RIMBP2: variants seen among roughly 807,000 people sequenced by gnomAD.
The protein encoded by RIMBP2 is RIMS-binding protein 2.
A neutral mutation model predicts 118.6 loss-of-function variants in RIMBP2; 48 were observed. The observed-to-expected ratio is 0.40, with a 90% CI of 0.32 to 0.51. The LOEUF (loss-of-function observed/expected upper bound fraction) is 0.51. Ranked by LOEUF, RIMBP2 falls within the 20% of genes least tolerant of loss-of-function variation. The pLI is 0.41. For synonymous variants in RIMBP2, 762 were observed against 742.9 expected (o/e 1.03, Z -0.42); for missense variants, 1,551 against 1,768.3 (o/e 0.88, Z 2.20).
chr12:130,456,738 AT>A, intron 6 of RIMBP2, 38 bp from the exon 7 acceptor site: 1 of 1,524,258 alleles, frequency 6.6e-7, no homozygotes. Flanking sequence ...CAGCGGTGGC[AT>A]TTGGTGGTGG....
chr12:130,500,545 T>G (rs961396804), intron 4 of RIMBP2, among the ~76,000 whole-genome samples: 1 of 152,310 alleles, frequency 6.6e-6, no homozygotes, highest in African/African-American at 2.4e-5. Context: ...GCAGGGCACG[T>G]TGTCTTTAGC....
rs117041382 is a variant in RIMBP2 at position 130,662,182 on chromosome 12, C to T, written c.-351-33726G>A. ...CAACAAATTCCCTAAATTTCACCCT[C>T]AATCCAGCCAGTAGCTGACCCGTCA... On this transcript the variant is annotated intron_variant, in intron 1 of 22. Coordinates refer to ENST00000690449, the MANE Select transcript of RIMBP2 (RefSeq NM_001393629.1). 4.1e-4 allele frequency among the ~76,000 whole-genome samples: 61 copies of T among 149,212 alleles called. 1 individual carries two copies. The East Asian group carries it at 8.1e-3, about 20-fold the overall frequency.
intron 2 of RIMBP2, among the ~76,000 whole-genome samples, chr12:130,596,435 C>T (rs1175251294): frequency 2.6e-5 from 4 of 152,040 alleles, no homozygotes; most frequent in Non-Finnish European, 5.9e-5. Context: ...TGCCCAAGGC[C>T]ACATAGCCCA....
At chr12:130,627,051 C>A (rs1352325264) in intron 2 of RIMBP2, among the ~76,000 whole-genome samples, 1 of 152,132 alleles carries the variant, frequency 6.6e-6, no homozygotes, top group Non-Finnish European at 1.5e-5. Flanking sequence ...CCAGCATCCC[C>A]ATCTCCTCGA....
intron 7 of RIMBP2, among the ~76,000 whole-genome samples, chr12:130,453,754 G>A (rs982899817): frequency 2.0e-5 from 3 of 152,208 alleles, no homozygotes; most frequent in Non-Finnish European, 4.4e-5. Context: ...CGTGAATGCA[G>A]CTGAAATGCT....
At chr12:130,445,320 GCACC>G in intron 9 of RIMBP2, 51 bp from the exon 10 acceptor site, 1 of 1,345,530 alleles carries the variant, frequency 7.4e-7, no homozygotes, top group African/African-American at 1.4e-5. Flanking sequence ...GACACAGCCC[GCACC>G]CCTGTCCGTG....
chr12:130,651,938 A>C (rs1594147013), intron 1 of RIMBP2, among the ~76,000 whole-genome samples: 1 of 152,252 alleles, frequency 6.6e-6, no homozygotes, highest in African/African-American at 2.4e-5. Flanking sequence ...AAGTTTTAAA[A>C]AGCACCAGGC....
chr12:130,430,125 C>T (rs144896478), intron 14 of RIMBP2: 1 of 152,288 alleles, frequency 6.6e-6, no homozygotes, highest in African/African-American at 2.4e-5. Flanking sequence ...AGTGAGATGT[C>T]TAGTGACTGG....
At position 130,576,135 on chromosome 12, in the gene RIMBP2, G is replaced by C. The variant is rs1038957041; in HGVS notation, c.-217+52187C>G. Among the ~76,000 whole-genome samples the C allele has an allele frequency of 6.6e-6, 1 of 152,118 alleles. No individual in the cohort carries two copies. Among genetic ancestry groups the C allele is most frequent in the African/African-American group, 2.4e-5 (1 of 41,430 alleles). The stretch of plus-strand genomic sequence containing the variant: ...GGCAAAGGGGCTGCGGACAGGTGAG[G>C]GGGAGGAGGGGGCTGCAGATCGTAC... On this transcript the variant is annotated intron_variant, in intron 2 of 22. Coordinates refer to ENST00000690449, the MANE Select transcript of RIMBP2 (RefSeq NM_001393629.1). The surrounding 1 kb of genome is among the most constrained non-coding windows in gnomAD (Gnocchi z 4.2).
At chr12:130,521,343 C>T (rs548123182) in intron 2 of RIMBP2, among the ~76,000 whole-genome samples, 4 of 152,152 alleles carry the variant, frequency 2.6e-5, no homozygotes, top group East Asian at 1.9e-4. Context: ...GGCCTGGAAT[C>T]GCAACACAAC....
intron 1 of RIMBP2, among the ~76,000 whole-genome samples, chr12:130,632,409 T>C (rs1456552385): frequency 6.6e-6 from 1 of 152,178 alleles, no homozygotes; most frequent in East Asian, 1.9e-4. Context: ...TTTCTAGTTC[T>C]ATTACAGAAG....
At chr12:130,489,010 T>C (rs4759700) in intron 4 of RIMBP2, among the ~76,000 whole-genome samples, 139,861 of 152,302 alleles carry the variant, frequency 0.92, 64,255 homozygotes, top group Admixed American at 0.94. Flanking sequence ...TCCTACAGAA[T>C]TCACGGCTAG....
At chr12:130,488,418 C>T (rs886751683) in intron 4 of RIMBP2, among the ~76,000 whole-genome samples, 37 of 151,418 alleles carry the variant, frequency 2.4e-4, no homozygotes, top group African/African-American at 9.0e-4. Flanking sequence ...ATAGCTCAGT[C>T]AGGGGGTGGT....
intron 2 of RIMBP2, among the ~76,000 whole-genome samples, chr12:130,566,103 T>C (rs2057195962): frequency 1.3e-5 from 2 of 152,150 alleles, no homozygotes; most frequent in Admixed American, 1.3e-4. Context: ...TGCCAGCCCA[T>C]AGGCTGAATT....
At position 130,431,223 on chromosome 12, in the gene RIMBP2, T is replaced by G. The variant is rs2077128534; in HGVS notation, c.2254-2886A>C. Among the ~76,000 whole-genome samples the G allele has an allele frequency of 6.6e-6, 1 of 152,210 alleles. No homozygotes were observed. Among genetic ancestry groups the G allele is most frequent in the Non-Finnish European group, 1.5e-5 (1 of 68,040 alleles). ...CCTACTATGTGTGAAATGCTAGAGA[T>G]ACCGTAGTCAACTAAAAGTGGAGGC... is the stretch of plus-strand genomic sequence containing the variant. On this transcript the variant is annotated intron_variant, in intron 14 of 22. Transcript: ENST00000690449. The surrounding 1 kb of genome is among the most constrained non-coding windows in gnomAD (Gnocchi z 4.0).
At chr12:130,615,274 T>C (rs1376637826) in intron 2 of RIMBP2, among the ~76,000 whole-genome samples, 1 of 77,678 alleles carries the variant, frequency 1.3e-5, no homozygotes, top group Non-Finnish European at 2.6e-5. Flanking sequence ...ATAATACACA[T>C]ACATATATAT....
chr12:130,571,437 G>A (rs1411888402), intron 2 of RIMBP2, among the ~76,000 whole-genome samples: 1 of 74,818 alleles, frequency 1.3e-5, no homozygotes, highest in Non-Finnish European at 2.9e-5. Context: ...TTTTTTTTTT[G>A]GAGACAGAGT....
At position 130,484,303 on chromosome 12, in the gene RIMBP2, C is replaced by T. The variant is rs900749813; in HGVS notation, c.-3-5287G>A. On this transcript the variant is annotated intron_variant, in intron 4 of 22. Transcript: ENST00000690449. ...TGCCCTGCTGTAACACCCTGGCTTTCGCGCTGTTTCTAAAGAGCAGACCAG... is the reference window on the plus strand; with the variant it reads ...TGCCCTGCTGTAACACCCTGGCTTTTGCGCTGTTTCTAAAGAGCAGACCAG... 2.2e-4 allele frequency among the ~76,000 whole-genome samples: 33 copies of T among 152,162 alleles called. 1 individual carries two copies. Among genetic ancestry groups the T allele is most frequent in the Admixed American group, 2.0e-4 (3 of 15,288 alleles).
At chr12:130,549,600 C>G (rs557065686) in intron 2 of RIMBP2, among the ~76,000 whole-genome samples, 10 of 152,314 alleles carry the variant, frequency 6.6e-5, no homozygotes, top group African/African-American at 1.9e-4. Flanking sequence ...CAAGTGAGAA[C>G]ATGCAGTATT....
Sources: allele counts gnomAD v4.1 joint callset (sites outside exome capture counted in the v4.1 genomes callset), GRCh38; gene constraint gnomAD v4.1.1; non-coding constraint Gnocchi (gnomAD v3.1); transcripts MANE v1.5; gene names NCBI Gene and HGNC (gene_info 2026-07-23, HGNC 2026-07-21).